Variants in ZSCAN5A observed in about 807,000 individuals in gnomAD.
ZSCAN5A encodes the protein zinc finger and SCAN domain containing 5A, also known as zinc finger and SCAN domain-containing protein 5A.
In ZSCAN5A, 12 loss-of-function variants were observed where a neutral mutation model predicts 23.7. The ratio of observed to expected loss-of-function variants is 0.51; its 90% CI spans 0.32 to 0.82. ZSCAN5A has a LOEUF of 0.82. ZSCAN5A is among the 40% of genes least tolerant of loss of function. The probability of loss-of-function intolerance (pLI) is 0.03; values close to 1 mark genes in which losing one functional copy is unlikely to be tolerated. For missense variants in ZSCAN5A, 597 were observed against 617.9 expected, an observed-to-expected ratio of 0.97 and a Z score of 0.36; for synonymous variants, 257 against 239.9, an observed-to-expected ratio of 1.07 and a Z score of -0.66.
chr19:56,326,127 C>T (rs572090566), intron 2 of ZSCAN5A, among the ~76,000 whole-genome samples: 7 of 151,722 alleles, frequency 4.6e-5, no homozygotes, highest in East Asian at 1.9e-4. Flanking sequence ...TTAGTAGAGA[C>T]GGGGTTTCAC....
In ZSCAN5A at chr19:56,242,008, C is replaced by T. The variant is rs1258093031; in HGVS notation, c.-127-16835G>A. 3.9e-5 allele frequency among the ~76,000 whole-genome samples: 6 copies of T among 152,298 alleles called. No homozygotes were observed. In the South Asian group the frequency reaches 6.2e-4, roughly 16 times the overall value. ...CTCCCTCTATCCCTCCAGAGTTTCA[C>T]TGTTTTGGAGTCCACGTCCTGATTT... On this transcript the variant is annotated intron_variant, in intron 2 of 5. Coordinates refer to ENST00000683990, the MANE Select transcript of ZSCAN5A (RefSeq NM_001322064.3).
At chr19:56,234,222 A>C (rs1230529933) in intron 2 of ZSCAN5A, among the ~76,000 whole-genome samples, 2 of 152,260 alleles carry the variant, frequency 1.3e-5, no homozygotes, top group African/African-American at 4.8e-5. Context: ...CCTGGTTCAC[A>C]AAGTGGGAAG....
At chr19:56,366,899 A>G (rs1469923266) in intron 1 of ZSCAN5A, among the ~76,000 whole-genome samples, 4 of 152,220 alleles carry the variant, frequency 2.6e-5, no homozygotes, top group African/African-American at 4.8e-5. Flanking sequence ...TTTACCAAGT[A>G]CATCATATTC....
intron 2 of ZSCAN5A, among the ~76,000 whole-genome samples, chr19:56,302,511 TTCCTTCCTCCCTCCCTCCCTC>T (rs1420958793): frequency 1.9e-4 from 5 of 26,684 alleles, no homozygotes; most frequent in African/African-American, 1.2e-3. Flanking sequence ...CTGCCCTTCT[TTCCTTCCTCCCTCCCTCCCTC>T]TTCTTCCTCC....
chr19:56,333,331 T>A (rs1332075958), intron 2 of ZSCAN5A, among the ~76,000 whole-genome samples: 1 of 152,064 alleles, frequency 6.6e-6, no homozygotes, highest in African/African-American at 2.4e-5. Flanking sequence ...TAATCCCATC[T>A]TTCTCAAAGA....
At chr19:56,320,495 C>G (rs1192375709) in intron 2 of ZSCAN5A, 4 of 386,048 alleles carry the variant, frequency 1.0e-5, no homozygotes, top group African/African-American at 6.2e-5. Flanking sequence ...GCCTGTAACT[C>G]CAGGTACTCG....
In ZSCAN5A at chr19:56,351,646, T is replaced by C. The variant is rs746393292; in HGVS notation, c.-358+11589A>G. Reference sequence around the variant, plus strand: ...TTTCACTCCTTAAAACTACTCCACATGTGTCCATGTCGTTAATCCTATCAG... The same window carrying C: ...TTTCACTCCTTAAAACTACTCCACACGTGTCCATGTCGTTAATCCTATCAG... On this transcript the variant is annotated intron_variant, in intron 2 of 6. Coordinates refer to the ZSCAN5A transcript ENST00000587340. This position sits in a 1 kb window ranked among gnomAD's most constrained non-coding sequence, Gnocchi z 4.8. 8.5e-5 allele frequency among the ~76,000 whole-genome samples: 13 copies of C among 152,134 alleles called. No individual in the cohort carries two copies. Among genetic ancestry groups the C allele is most frequent in the Non-Finnish European group, 1.6e-4 (11 of 68,028 alleles).
intron 2 of ZSCAN5A, among the ~76,000 whole-genome samples, chr19:56,310,897 G>A (rs1406138337): frequency 6.6e-6 from 1 of 152,140 alleles, no homozygotes; most frequent in African/African-American, 2.4e-5. Flanking sequence ...GTCTCTTAAT[G>A]CCTTATTTTA....
Position 56,303,512 on chromosome 19 carries a change from AGGAG to A in ZSCAN5A, c.-128+9767_-128+9770del, listed in dbSNP as rs776776713. Among the ~76,000 whole-genome samples the A allele has an allele frequency of 2.1e-4, 28 of 133,134 alleles. No homozygotes were observed. The East Asian group carries it at 2.6e-3, about 12-fold the overall frequency. The allele number at this position is 133,134 out of a possible 152,430, so 87.3% of individuals were successfully genotyped here. On this transcript the variant is annotated intron_variant, in intron 2 of 5. Coordinates refer to ENST00000683990, the MANE Select transcript of ZSCAN5A (RefSeq NM_001322064.3). Reference sequence around the variant, plus strand: ...AAAAAAAAAGAAGGAAAGGAAGGAAAGGAGGGAGGGAGGGAGGGAGGCAAGACGG... The same window carrying A: ...AAAAAAAAAGAAGGAAAGGAAGGAAAGGAGGGAGGGAGGGAGGCAAGACGG...
intron 2 of ZSCAN5A, chr19:56,245,461 G>T (rs928230838): frequency 8.4e-6 from 5 of 593,124 alleles, no homozygotes; most frequent in East Asian, 2.9e-5. Flanking sequence ...GGGCAGAGGT[G>T]GGAGAAGGAA....
chr19:56,329,010 T>A (rs187798781), intron 2 of ZSCAN5A, among the ~76,000 whole-genome samples: 16,106 of 135,548 alleles, frequency 0.12, 1,062 homozygotes, highest in Non-Finnish European at 0.15. Context: ...AAAAAAAAAA[T>A]AAATAAATAA....
chr19:56,294,287 T>C (rs949345466), intron 2 of ZSCAN5A, among the ~76,000 whole-genome samples: 1 of 152,236 alleles, frequency 6.6e-6, no homozygotes, highest in African/African-American at 2.4e-5. Flanking sequence ...GACCCTCACA[T>C]TAACCCAGGA....
chr19:56,358,478 G>C lies in ZSCAN5A; in HGVS notation c.-358+4757C>G, dbSNP rs111328829. On this transcript the variant is annotated intron_variant, in intron 2 of 6. Coordinates refer to the ZSCAN5A transcript ENST00000587340. Reference sequence around the variant, plus strand: ...ACTTGAATACCCACCCAATAATAGCGGGAGACTTTAATACCTCACTGCCAA... The same window carrying C: ...ACTTGAATACCCACCCAATAATAGCCGGAGACTTTAATACCTCACTGCCAA... 8.8e-4 allele frequency among the ~76,000 whole-genome samples: 111 copies of C among 125,746 alleles called. 17 individuals are homozygous for C. The highest frequency in any genetic ancestry group is 3.1e-3 in the African/African-American group (94 of 30,356). 82.5% of individuals were successfully genotyped at this position (125,746 alleles called of 152,430 possible). A position where few individuals can be genotyped will look rare whatever the true frequency, so the allele number is the denominator to read the frequency against.
At chr19:56,307,267 T>A (rs1314005300) in intron 2 of ZSCAN5A, among the ~76,000 whole-genome samples, 1 of 152,220 alleles carries the variant, frequency 6.6e-6, no homozygotes, top group Non-Finnish European at 1.5e-5. Flanking sequence ...GTGCCCTTTT[T>A]ACATTAAAAA....
chr19:56,360,263 A>G (rs1193091524), intron 2 of ZSCAN5A, among the ~76,000 whole-genome samples: 2 of 152,210 alleles, frequency 1.3e-5, no homozygotes, highest in Non-Finnish European at 2.9e-5. Context: ...AATTAAAAGC[A>G]CTTCTATAAA....
At chr19:56,237,593 A>T (rs1001588315) in intron 2 of ZSCAN5A, among the ~76,000 whole-genome samples, 3 of 152,162 alleles carry the variant, frequency 2.0e-5, no homozygotes, top group Non-Finnish European at 4.4e-5. Context: ...AAGAGCATCC[A>T]CACTGTATCG....
intron 2 of ZSCAN5A, among the ~76,000 whole-genome samples, chr19:56,232,870 C>T (rs975649808): frequency 2.6e-5 from 4 of 152,018 alleles, no homozygotes; most frequent in African/African-American, 9.7e-5. Flanking sequence ...TTTGTAGACA[C>T]CGAGTTTCAC....
intron 2 of ZSCAN5A, among the ~76,000 whole-genome samples, chr19:56,323,618 C>A (rs1332861092): frequency 6.7e-6 from 1 of 149,634 alleles, no homozygotes; most frequent in Non-Finnish European, 1.5e-5. Context: ...CTCACTGCAA[C>A]CTCCGCCTCC....
At chr19:56,224,341 T>C (rs1392546136) in intron 3 of ZSCAN5A, 2 of 385,162 alleles carry the variant, frequency 5.2e-6, no homozygotes, top group Non-Finnish European at 9.4e-6. Context: ...CCTCACACAG[T>C]GTGTGGGTCC....
Sources: gnomAD v4.1 joint callset for allele counts (sites outside exome capture counted in the v4.1 genomes callset) on GRCh38, gnomAD v4.1.1 for gene constraint, Gnocchi (gnomAD v3.1) non-coding constraint, MANE v1.5 for transcripts, NCBI Gene and HGNC (gene_info 2026-07-23, HGNC 2026-07-21) for gene names.